Variants in AGBL1 observed in about 807,000 individuals in gnomAD.
AGBL1 encodes AGBL carboxypeptidase 1, also known as cytosolic carboxypeptidase 4.
Under a neutral mutation model 118.9 loss-of-function variants are expected in AGBL1, and 130 were observed. The observed-to-expected ratio is 1.09, with a 90% confidence interval of 0.95 to 1.26. The LOEUF (loss-of-function observed/expected upper bound fraction) is 1.26, where lower values mean the gene tolerates loss of function less well. Among genes scored for constraint, AGBL1 ranks in the 50% most tolerant of loss-of-function variants. The pLI is 0.00. For missense variants in AGBL1, 1,584 were observed against 1,298.1 expected, an observed-to-expected ratio of 1.22 and a Z score of -3.38; for synonymous variants, 555 against 478.9, an observed-to-expected ratio of 1.16 and a Z score of -2.08.
chr15:86,798,200 C>T (rs1348215759), intron 22 of AGBL1, among the ~76,000 whole-genome samples: 1 of 152,168 alleles, frequency 6.6e-6, no homozygotes, highest in Non-Finnish European at 1.5e-5. Context: ...GATTCCACCA[C>T]ATTTATCTTT....
chr15:86,958,830 G>A (rs917449594), intron 23 of AGBL1, among the ~76,000 whole-genome samples: 8 of 152,094 alleles, frequency 5.3e-5, no homozygotes, highest in African/African-American at 1.9e-4. Context: ...GTTTAATTCA[G>A]TGGGACACTA....
At chr15:86,395,425 C>A (rs1157117018) in intron 17 of AGBL1, among the ~76,000 whole-genome samples, 2 of 152,082 alleles carry the variant, frequency 1.3e-5, no homozygotes, top group African/African-American at 2.4e-5. Context: ...GGCCTTACCT[C>A]TCTCAGTCAT....
chr15:86,184,545 A>G (rs1167879630), intron 5 of AGBL1, among the ~76,000 whole-genome samples: 1 of 151,246 alleles, frequency 6.6e-6, no homozygotes, highest in Non-Finnish European at 1.5e-5. Context: ...GTTCTCCTGG[A>G]TAACATCCTG....
At chr15:86,632,714 A>G (rs1325400620) in intron 21 of AGBL1, among the ~76,000 whole-genome samples, 4 of 150,812 alleles carry the variant, frequency 2.7e-5, no homozygotes, top group South Asian at 2.1e-4. Flanking sequence ...GGTGTTGCCT[A>G]TAAGTAAGGG....
intron 22 of AGBL1, among the ~76,000 whole-genome samples, chr15:86,793,623 T>A (rs1018938657): frequency 3.9e-5 from 6 of 152,198 alleles, no homozygotes; most frequent in Admixed American, 6.5e-5. Flanking sequence ...ACTTGGACTT[T>A]ATCAAAATTA....
At chr15:86,567,881 C>T (rs918322319) in intron 21 of AGBL1, among the ~76,000 whole-genome samples, 4 of 152,066 alleles carry the variant, frequency 2.6e-5, no homozygotes, top group Non-Finnish European at 5.9e-5. Flanking sequence ...ACATTCAGAG[C>T]CCAGCTGCCC....
At chr15:86,543,236 T>G (rs2083529338) in intron 19 of AGBL1, among the ~76,000 whole-genome samples, 1 of 148,556 alleles carries the variant, frequency 6.7e-6, no homozygotes, top group Non-Finnish European at 1.5e-5. Flanking sequence ...TTAATTAGAG[T>G]CTACCTTGAG....
At chr15:86,279,581 C>A (rs2079313731) in intron 15 of AGBL1, 58 bp from the exon 16 acceptor site, 1 of 1,547,932 alleles carries the variant, frequency 6.5e-7, no homozygotes, top group Non-Finnish European at 8.9e-7. Flanking sequence ...CCTAAATGAC[C>A]CTGCACCCCC....
At position 86,914,157 on chromosome 15, in the gene AGBL1, G is replaced by A. The variant is rs1212989754; in HGVS notation, c.*6863G>A. 2 of 152,266 alleles carry A rather than the reference G, an allele frequency of 1.3e-5. No individual in the cohort carries two copies. Among genetic ancestry groups the A allele is most frequent in the African/African-American group, 4.8e-5 (2 of 41,444 alleles). The allele number at this position is 152,266 out of a possible 1,614,324, so 9.4% of individuals were successfully genotyped here. On this transcript the variant is annotated 3_prime_UTR_variant, in exon 23 of 23. Coordinates refer to ENST00000614907, the MANE Select transcript of AGBL1 (RefSeq NM_001386094.1). ...GTGGGACGGGACAGGAAGCAGAGAAGCCGACAGGTCTGCCATCCAAACATC... is the reference window on the plus strand; with the variant it reads ...GTGGGACGGGACAGGAAGCAGAGAAACCGACAGGTCTGCCATCCAAACATC...
chr15:86,411,035 A>T (rs757559959), intron 18 of AGBL1, among the ~76,000 whole-genome samples: 1 of 148,260 alleles, frequency 6.7e-6, no homozygotes, highest in African/African-American at 2.5e-5. Flanking sequence ...TTGTACAAAA[A>T]ATTCAGCAAC....
chr15:86,567,257 T>A (rs897431953), intron 21 of AGBL1, among the ~76,000 whole-genome samples: 3 of 152,226 alleles, frequency 2.0e-5, no homozygotes, highest in Non-Finnish European at 2.9e-5. Context: ...ACCACAGATT[T>A]TGGCTTTCAT....
rs2079100808 is a variant in AGBL1 at position 86,267,999 on chromosome 15, A to G, written c.1838+923A>G. ...CTCACAAAATGAGAACAATAATCGC[A>G]CCTACTACTTTGGGATTTCATGAGA... On this transcript the variant is annotated intron_variant, in intron 13 of 22. Coordinates refer to ENST00000614907, the MANE Select transcript of AGBL1 (RefSeq NM_001386094.1). 6.6e-5 allele frequency among the ~76,000 whole-genome samples: 10 copies of G among 152,234 alleles called. No homozygotes were observed. In the South Asian group the frequency reaches 2.1e-3, roughly 31 times the overall value.
At chr15:86,496,621 C>T (rs574444979) in intron 18 of AGBL1, among the ~76,000 whole-genome samples, 1 of 151,814 alleles carries the variant, frequency 6.6e-6, no homozygotes, top group African/African-American at 2.4e-5. Flanking sequence ...ATTTTTGATA[C>T]CTTCCTTGGA....
At chr15:86,516,088 A>G (rs999107680) in intron 18 of AGBL1, among the ~76,000 whole-genome samples, 3 of 152,170 alleles carry the variant, frequency 2.0e-5, no homozygotes, top group African/African-American at 7.2e-5. Flanking sequence ...CTGAATACAC[A>G]AGTTCCATGT....
At chr15:86,486,417 A>G (rs1427512109) in intron 18 of AGBL1, among the ~76,000 whole-genome samples, 2 of 152,096 alleles carry the variant, frequency 1.3e-5, no homozygotes, top group Admixed American at 6.6e-5. Context: ...TAATGATTCC[A>G]TGCTTTTGCT....
intron 22 of AGBL1, among the ~76,000 whole-genome samples, chr15:86,696,098 C>A (rs1338192945): frequency 6.6e-6 from 1 of 151,908 alleles, no homozygotes; most frequent in African/African-American, 2.4e-5. Flanking sequence ...CTATCAGGTT[C>A]ATTTGTTTTA....
chr15:86,142,052 G>A lies in AGBL1; in HGVS notation c.100G>A (p.Asp34Asn). 1 of 1,550,282 alleles carries A rather than the reference G, an allele frequency of 6.5e-7. No individual in the cohort carries two copies. The highest frequency in any genetic ancestry group is 8.7e-7 in the Non-Finnish European group (1 of 1,146,830). ...SILTILKVLG[D>N]LLSVGTDRRI... is the part of the protein sequence containing the mutation. ...CCTGACCATCCTCAAGGTCCTCGGA[G>A]ATCTGCTTTCTGTTGGTGAGTAGGC... is the stretch of plus-strand genomic sequence containing the variant. Residue 34 changes from aspartate to asparagine, a missense_variant, in exon 2 of 23, where the codon GAT (aspartate) becomes AAT (asparagine). Transcript: ENST00000614907.
chr15:86,110,119 A>T (rs1229512891), intron 1 of AGBL1, among the ~76,000 whole-genome samples: 1 of 152,312 alleles, frequency 6.6e-6, no homozygotes, highest in East Asian at 1.9e-4. Flanking sequence ...AGGGACTCCA[A>T]AGCTTTAGCT....
In AGBL1 at chr15:86,827,363, G is replaced by A. The variant is rs375107516; in HGVS notation, c.3159-79724G>A. 9.2e-4 allele frequency among the ~76,000 whole-genome samples: 3 copies of A among 3,278 alleles called. 1 individual carries two copies. The highest frequency in any genetic ancestry group is 1.9e-3 in the African/African-American group (1 of 528). 2.2% of individuals were successfully genotyped at this position (3,278 alleles called of 152,430 possible). On this transcript the variant is annotated intron_variant, in intron 22 of 22. Coordinates refer to ENST00000614907, the MANE Select transcript of AGBL1 (RefSeq NM_001386094.1). Reference sequence around the variant, plus strand: ...TGTGTATATATATATATATATATATGTGTGTGTATATATATATATACACAT... The same window carrying A: ...TGTGTATATATATATATATATATATATGTGTGTATATATATATATACACAT...
Sources: allele counts gnomAD v4.1 joint callset (sites outside exome capture counted in the v4.1 genomes callset), GRCh38; gene constraint gnomAD v4.1.1; transcripts MANE v1.5; gene names NCBI Gene and HGNC (gene_info 2026-07-23, HGNC 2026-07-21).